PPP2R5A: variants seen among roughly 807,000 people sequenced by gnomAD.
PPP2R5A encodes the protein serine/threonine-protein phosphatase 2A 56 kDa regulatory subunit alpha isoform.
A neutral mutation model predicts 64.2 loss-of-function variants in PPP2R5A; 25 were observed. The ratio of observed to expected loss-of-function variants is 0.39; its 90% CI spans 0.28 to 0.54. The LOEUF is 0.54. PPP2R5A is among the 20% of genes least tolerant of loss of function. The pLI, the probability that PPP2R5A is intolerant of heterozygous loss-of-function variation, is 0.67. For synonymous variants in PPP2R5A, 198 were observed against 201.2 expected, an observed-to-expected ratio of 0.98 and a Z score of 0.13; for missense variants, 425 against 576.3, an observed-to-expected ratio of 0.74 and a Z score of 2.69.
chr1:212,286,780 T>C (rs978516243), intron 1 of PPP2R5A, among the ~76,000 whole-genome samples: 4 of 152,178 alleles, frequency 2.6e-5, no homozygotes, highest in African/African-American at 9.7e-5. Flanking sequence ...TCACTTCCCA[T>C]TGATTGCCCC....
intron 1 of PPP2R5A, chr1:212,299,587 A>G (rs953923397): frequency 3.9e-5 from 6 of 152,210 alleles, no homozygotes; most frequent in Admixed American, 6.5e-5. Context: ...ATAAAAGTCA[A>G]TTGGGCTAAT....
chr1:212,347,816 G>T (rs1659810163), intron 6 of PPP2R5A, among the ~76,000 whole-genome samples: 1 of 152,164 alleles, frequency 6.6e-6, no homozygotes, highest in Non-Finnish European at 1.5e-5. Context: ...ACAGTGCTGG[G>T]ATTACAGGCG....
chr1:212,292,944 T>C (rs1658629710), intron 1 of PPP2R5A, among the ~76,000 whole-genome samples: 2 of 152,210 alleles, frequency 1.3e-5, no homozygotes, highest in Non-Finnish European at 2.9e-5. Flanking sequence ...GAGAATACAA[T>C]CATGGGTTCT....
intron 1 of PPP2R5A, among the ~76,000 whole-genome samples, chr1:212,316,629 A>C (rs756834751): frequency 8.7e-5 from 3 of 34,444 alleles, no homozygotes; most frequent in Admixed American, 3.5e-4. Flanking sequence ...GAAAGCTTTT[A>C]TTCTTCTCTC....
intron 1 of PPP2R5A, among the ~76,000 whole-genome samples, chr1:212,291,888 A>G (rs541975566): frequency 2.0e-5 from 3 of 152,296 alleles, no homozygotes; most frequent in African/African-American, 7.2e-5. Flanking sequence ...AGAACATGTG[A>G]TAGAGGTTTG....
chr1:212,355,602 A>AT (rs897081849), intron 8 of PPP2R5A, among the ~76,000 whole-genome samples: 6 of 151,972 alleles, frequency 3.9e-5, no homozygotes, highest in Non-Finnish European at 7.4e-5. Context: ...AGCTTACTAA[A>AT]TTTTTTTATC....
chr1:212,351,645 C>T (rs1463576994), intron 8 of PPP2R5A, among the ~76,000 whole-genome samples: 1 of 152,088 alleles, frequency 6.6e-6, no homozygotes, highest in Admixed American at 6.6e-5. Flanking sequence ...AGGAGAATGG[C>T]TTGAACCCAG....
At chr1:212,292,691 C>T (rs1172322298) in intron 1 of PPP2R5A, among the ~76,000 whole-genome samples, 2 of 152,134 alleles carry the variant, frequency 1.3e-5, no homozygotes, top group Non-Finnish European at 2.9e-5. Flanking sequence ...TCCCAAGTAG[C>T]TAGGACTACA....
chr1:212,349,664 C>T (rs889461371), intron 8 of PPP2R5A, among the ~76,000 whole-genome samples: 9 of 152,076 alleles, frequency 5.9e-5, no homozygotes, highest in Non-Finnish European at 1.3e-4. Context: ...TAACAATAAA[C>T]CACTTGATAG....
At chr1:212,359,684 CT>C (rs1660046182) in intron 12 of PPP2R5A, among the ~76,000 whole-genome samples, 1 of 152,128 alleles carries the variant, frequency 6.6e-6, no homozygotes. Context: ...TGACAAGTTC[CT>C]AGTTATGGTT....
chr1:212,347,797 C>T (rs868814129), intron 6 of PPP2R5A, among the ~76,000 whole-genome samples: 8 of 152,172 alleles, frequency 5.3e-5, no homozygotes, highest in Admixed American at 2.0e-4. Context: ...CCACCCCCTT[C>T]GGCCTCCCAC....
rs535465498 is a variant in PPP2R5A at position 212,317,583 on chromosome 1, A to AT, written c.182-11540dup. On this transcript the variant is annotated intron_variant, in intron 1 of 12. Transcript: ENST00000261461. Reference sequence around the variant, plus strand: ...ATATCCTTACGTGCAATACACTCTGATTTTTTTTTTTTAAACTCTTGATTG... The same window carrying AT: ...ATATCCTTACGTGCAATACACTCTGATTTTTTTTTTTTTAAACTCTTGATTG... 6.0e-4 allele frequency among the ~76,000 whole-genome samples: 88 copies of AT among 147,760 alleles called. No individual in the cohort carries two copies. The East Asian group carries it at 8.0e-3, about 14-fold the overall frequency.
chr1:212,357,742 G>C (rs1270338890), intron 11 of PPP2R5A, among the ~76,000 whole-genome samples: 1 of 150,342 alleles, frequency 6.7e-6, no homozygotes, highest in African/African-American at 2.4e-5. Context: ...GGCAGAGCTT[G>C]CAGTGAGCCA....
At chr1:212,290,604 T>A (rs1310024560) in intron 1 of PPP2R5A, among the ~76,000 whole-genome samples, 1 of 152,208 alleles carries the variant, frequency 6.6e-6, no homozygotes, top group African/African-American at 2.4e-5. Context: ...AAGGAAAAAC[T>A]TTTCTATTTA....
At chr1:212,329,063 C>T in intron 1 of PPP2R5A, 72 bp from the exon 2 acceptor site, 1 of 1,149,682 alleles carries the variant, frequency 8.7e-7, no homozygotes, top group Non-Finnish European at 1.2e-6. Context: ...ATAGCTTCTA[C>T]AAAATTAATA....
chr1:212,319,857 AG>A (rs1659233216), intron 1 of PPP2R5A, among the ~76,000 whole-genome samples: 1 of 151,092 alleles, frequency 6.6e-6, no homozygotes, highest in Admixed American at 6.6e-5. Context: ...TCCTGACCTC[AG>A]GTGATCCGCC....
At chr1:212,324,916 T>C (rs1377810241) in intron 1 of PPP2R5A, among the ~76,000 whole-genome samples, 2 of 152,184 alleles carry the variant, frequency 1.3e-5, no homozygotes, top group East Asian at 3.9e-4. Context: ...GATTAATTCT[T>C]AAACATAGCC....
intron 3 of PPP2R5A, among the ~76,000 whole-genome samples, chr1:212,335,725 C>T (rs984193558): frequency 1.3e-4 from 20 of 152,082 alleles, no homozygotes; most frequent in Admixed American, 1.2e-3. Context: ...TAGAACTGTA[C>T]ACAAGTTTAT....
chr1:212,307,246 A>G (rs1658935317), intron 1 of PPP2R5A, among the ~76,000 whole-genome samples: 1 of 148,654 alleles, frequency 6.7e-6, no homozygotes, highest in Non-Finnish European at 1.5e-5. Context: ...ATTTTTCACT[A>G]CATATTTTTG....
Sources: gnomAD v4.1 joint callset for allele counts (sites outside exome capture counted in the v4.1 genomes callset) on GRCh38, gnomAD v4.1.1 for gene constraint, MANE v1.5 for transcripts, NCBI Gene and HGNC (gene_info 2026-07-23, HGNC 2026-07-21) for gene names.